The following DPP10 variants were observed in gnomAD, a reference collection of about 807,000 sequenced individuals.
The protein encoded by DPP10 is dipeptidyl peptidase like 10, also known as inactive dipeptidyl peptidase 10.
DPP10 carries 33 observed loss-of-function variants against 120.9 expected under a neutral mutation model. The ratio of observed to expected loss-of-function variants is 0.27; its 90% CI spans 0.21 to 0.37. The LOEUF (loss-of-function observed/expected upper bound fraction) is 0.37. Ranked by LOEUF, DPP10 falls within the 10% of genes least tolerant of loss-of-function variation. The pLI is 1.00. For missense variants in DPP10, 816 were observed against 942.8 expected (o/e 0.87, Z 1.76); for synonymous variants, 337 against 326.1 (o/e 1.03, Z -0.36).
intron 1 of DPP10, among the ~76,000 whole-genome samples, chr2:115,258,693 A>G (rs2059117594): frequency 6.6e-6 from 1 of 152,104 alleles, no homozygotes; most frequent in South Asian, 2.1e-4. Context: ...GGATCACTTG[A>G]GGCCAGGAGC....
chr2:115,282,390 T>C (rs1430712707), intron 1 of DPP10, among the ~76,000 whole-genome samples: 1 of 152,088 alleles, frequency 6.6e-6, no homozygotes, highest in Non-Finnish European at 1.5e-5. Context: ...CATATAAAAT[T>C]TGATTAGTTT....
chr2:114,775,428 A>C (rs1294136471), intron 1 of DPP10, among the ~76,000 whole-genome samples: 3 of 152,186 alleles, frequency 2.0e-5, no homozygotes, highest in Non-Finnish European at 4.4e-5. Context: ...GTAGACTTAC[A>C]TTGCTGCCAA....
chr2:114,592,899 A>C (rs1349865269), intron 1 of DPP10, among the ~76,000 whole-genome samples: 1 of 152,280 alleles, frequency 6.6e-6, no homozygotes, highest in African/African-American at 2.4e-5. Flanking sequence ...CATGTTCATA[A>C]CTGGTATATA....
intron 13 of DPP10, among the ~76,000 whole-genome samples, chr2:115,774,653 TCA>T (rs1169805976): frequency 6.6e-6 from 1 of 152,046 alleles, no homozygotes; most frequent in Non-Finnish European, 1.5e-5. Context: ...TATAAAGAAG[TCA>T]CAGGCTTGCT....
chr2:114,631,127 T>C (rs1218543483), intron 1 of DPP10, among the ~76,000 whole-genome samples: 2 of 151,512 alleles, frequency 1.3e-5, no homozygotes, highest in African/African-American at 4.9e-5. Context: ...AGATGGGAGG[T>C]GGGGAAGGAG....
chr2:114,497,228 TAC>T (rs1682643834), intron 1 of DPP10, among the ~76,000 whole-genome samples: 2 of 149,254 alleles, frequency 1.3e-5, no homozygotes, highest in South Asian at 2.1e-4. Flanking sequence ...TGTATGCATG[TAC>T]GTGCGTATAC....
intron 1 of DPP10, among the ~76,000 whole-genome samples, chr2:114,537,033 G>A (rs747651834): frequency 1.3e-5 from 2 of 152,182 alleles, no homozygotes; most frequent in East Asian, 3.8e-4. Context: ...GCTTCCTATG[G>A]ATGGGAGATT....
intron 1 of DPP10, among the ~76,000 whole-genome samples, chr2:114,506,341 C>T (rs371999060): frequency 1.3e-5 from 2 of 152,340 alleles, no homozygotes; most frequent in East Asian, 1.9e-4. Flanking sequence ...CCTCCTCCAT[C>T]CCCTTTCCAG....
chr2:115,383,271 A>G (rs1472473459), intron 3 of DPP10, among the ~76,000 whole-genome samples: 1 of 152,168 alleles, frequency 6.6e-6, no homozygotes, highest in Admixed American at 6.5e-5. Flanking sequence ...TGTTCTCATG[A>G]TAGTGAATAA....
chr2:115,683,379 G>A (rs1348249941), intron 5 of DPP10, among the ~76,000 whole-genome samples: 1 of 151,894 alleles, frequency 6.6e-6, no homozygotes, highest in Non-Finnish European at 1.5e-5. Context: ...CAGAATTTTG[G>A]GGGGCAATGA....
At chr2:114,544,229 C>A (rs1407270683) in intron 1 of DPP10, among the ~76,000 whole-genome samples, 1 of 152,006 alleles carries the variant, frequency 6.6e-6, no homozygotes, top group Non-Finnish European at 1.5e-5. Context: ...GGATGGGTTC[C>A]ATTGAGAAGT....
chr2:114,507,463 T>C (rs1238418522), intron 1 of DPP10, among the ~76,000 whole-genome samples: 3 of 152,208 alleles, frequency 2.0e-5, no homozygotes, highest in Admixed American at 2.0e-4. Flanking sequence ...ATAGTTCACA[T>C]AATAGGAGAC....
At chr2:115,535,892 A>G (rs555738817) in intron 5 of DPP10, among the ~76,000 whole-genome samples, 81 of 151,918 alleles carry the variant, frequency 5.3e-4, no homozygotes, top group African/African-American at 1.9e-3. Flanking sequence ...ATGGGAGTTC[A>G]CTCATGATTT....
At chr2:114,676,777 G>T (rs1698698554) in intron 1 of DPP10, among the ~76,000 whole-genome samples, 1 of 152,026 alleles carries the variant, frequency 6.6e-6, no homozygotes, top group Non-Finnish European at 1.5e-5. Context: ...ATATGTGTAT[G>T]TATTAATATG....
Position 114,960,681 on chromosome 2 carries a change from T to C in DPP10, c.61-348558T>C, listed in dbSNP as rs146528725. 1.6e-3 allele frequency among the ~76,000 whole-genome samples: 251 copies of C among 152,272 alleles called. 1 individual carries two copies. The highest frequency in any genetic ancestry group is 6.0e-3 in the African/African-American group (248 of 41,554). The stretch of plus-strand genomic sequence containing the variant: ...ACTCGCACAGTGGTGATAGGTTATA[T>C]CCATACAGTTTCTGCTCCAGTGAAA... On this transcript the variant is annotated intron_variant, in intron 1 of 25. Transcript: ENST00000410059.
chr2:115,373,753 A>G (rs543065507), intron 3 of DPP10, among the ~76,000 whole-genome samples: 159 of 152,014 alleles, frequency 1.0e-3, no homozygotes, highest in Non-Finnish European at 1.6e-3. Flanking sequence ...TGGGTAGTTC[A>G]GGAAGAAAAG....
rs2049663726 is a variant in DPP10, at chr2:115,118,748, TG to T, written c.61-190490del. Among the ~76,000 whole-genome samples, 3 of 10,740 alleles carry T rather than the reference TG, an allele frequency of 2.8e-4. No homozygotes were observed. In the South Asian group the frequency reaches 6.1e-3, roughly 22 times the overall value. The allele number at this position is 10,740 out of a possible 152,430, so 7.0% of individuals were successfully genotyped here. A position where few individuals can be genotyped will look rare whatever the true frequency, so the allele number is the denominator to read the frequency against. On this transcript the variant is annotated intron_variant, in intron 1 of 25. Coordinates refer to ENST00000410059, the MANE Select transcript of DPP10 (RefSeq NM_020868.6). Reference sequence around the variant, plus strand: ...GCACATGCCACCACACACAGCTAATTGTGTGTGTGTGTGTGTGTGTGTGTGT... The same window carrying T: ...GCACATGCCACCACACACAGCTAATTTGTGTGTGTGTGTGTGTGTGTGTGT...
At chr2:115,620,619 G>A (rs2084875102) in intron 5 of DPP10, among the ~76,000 whole-genome samples, 1 of 152,186 alleles carries the variant, frequency 6.6e-6, no homozygotes, top group Admixed American at 6.5e-5. Flanking sequence ...ACACTCTTCT[G>A]TCCATTAACT....
rs35020299 is a variant in DPP10, at chr2:115,488,880, TAAAAAAAA to T, written c.272-10617_272-10610del. On this transcript the variant is annotated intron_variant, in intron 3 of 25. Transcript: ENST00000410059. ...ATGTACCCTAAAACTTAGAGTATAATAAAAAAAAAAAAAAAAAAAATATGTATCTCTCA... is the reference window on the plus strand; with the variant it reads ...ATGTACCCTAAAACTTAGAGTATAATAAAAAAAAAAAATATGTATCTCTCA... Among the ~76,000 whole-genome samples the T allele has an allele frequency of 6.5e-3, 827 of 126,748 alleles. 8 individuals carry two copies. The highest frequency in any genetic ancestry group is 0.016 in the East Asian group (72 of 4,550). The allele number at this position is 126,748 out of a possible 152,430, so 83.2% of individuals were successfully genotyped here. A position where few individuals can be genotyped will look rare whatever the true frequency, so the allele number is the denominator to read the frequency against.
Sources: allele counts gnomAD v4.1 joint callset (sites outside exome capture counted in the v4.1 genomes callset), GRCh38; gene constraint gnomAD v4.1.1; transcripts MANE v1.5; gene names NCBI Gene and HGNC (gene_info 2026-07-23, HGNC 2026-07-21).